Variants in KANK1 observed in about 807,000 individuals in gnomAD.
KANK1 encodes the protein KN motif and ankyrin repeat domain-containing protein 1.
A neutral mutation model predicts 106.2 loss-of-function variants in KANK1; 109 were observed. The observed-to-expected ratio is 1.03, with a 90% CI of 0.88 to 1.20. KANK1 has a LOEUF of 1.20. KANK1 is among the 50% of genes most tolerant of loss of function. The probability of loss-of-function intolerance (pLI) is 0.00; values close to 1 mark genes in which losing one functional copy is unlikely to be tolerated. For synonymous variants in KANK1, 873 were observed against 652.2 expected, an observed-to-expected ratio of 1.34 and a Z score of -5.16; for missense variants, 2,399 against 1,710.7, an observed-to-expected ratio of 1.40 and a Z score of -7.10.
intron 1 of KANK1, among the ~76,000 whole-genome samples, chr9:629,791 G>T (rs12353073): frequency 0.096 from 14,553 of 152,186 alleles, 1,847 homozygotes; most frequent in African/African-American, 0.28. Context: ...AGAATTAGAC[G>T]AATGGGCACC....
At position 644,693 on chromosome 9, in the gene KANK1, C is replaced by T. The variant is rs935276950; in HGVS notation, c.-83-32197C>T. Among the ~76,000 whole-genome samples the T allele has an allele frequency of 2.1e-4, 32 of 151,052 alleles. 2 individuals carry two copies. The highest frequency in any genetic ancestry group is 7.2e-4 in the African/African-American group (29 of 40,354). Reference sequence around the variant, plus strand: ...CATGATCCAATCACCTCCCACTAGGCCCCACCTTCAACACTCGGGATTACT... The same window carrying T: ...CATGATCCAATCACCTCCCACTAGGTCCCACCTTCAACACTCGGGATTACT... On this transcript the variant is annotated intron_variant, in intron 1 of 11. Coordinates refer to ENST00000382297, the MANE Select transcript of KANK1 (RefSeq NM_015158.5).
intron 3 of KANK1, among the ~76,000 whole-genome samples, chr9:498,729 C>A (rs796699141): frequency 9.2e-5 from 14 of 152,286 alleles, no homozygotes; most frequent in African/African-American, 1.7e-4. Context: ...CAGTGAGATA[C>A]TACTTCATAG....
In KANK1 at chr9:742,282, T is replaced by C; in HGVS notation, c.3774T>C (p.Ala1258=). 6.2e-7 allele frequency: 1 copy of C among 1,614,218 alleles called. No individual in the cohort carries two copies. Among genetic ancestry groups the C allele is most frequent in the East Asian group, 2.2e-5 (1 of 44,884 alleles). The change falls in exon 10 of 12, where the codon GCT becomes GCC. Residue 1258 remains alanine (A), a synonymous_variant. Coordinates refer to ENST00000382297, the MANE Select transcript of KANK1 (RefSeq NM_015158.5). ...DMVKGLLACG[A]DVNIQDDEGS... ...TGAAGGGCCTTCTGGCCTGTGGGGC[T>C]GATGTCAACATCCAGGATGACGAGG... is the stretch of plus-strand genomic sequence containing the variant.
At chr9:616,486 T>C (rs1208045690) in intron 1 of KANK1, among the ~76,000 whole-genome samples, 1 of 152,190 alleles carries the variant, frequency 6.6e-6, no homozygotes, top group African/African-American at 2.4e-5. Context: ...GCTGCTGTCT[T>C]TACACATATA....
At chr9:633,175 T>A (rs1473192231) in intron 1 of KANK1, among the ~76,000 whole-genome samples, 1 of 151,784 alleles carries the variant, frequency 6.6e-6, no homozygotes, top group African/African-American at 2.4e-5. Flanking sequence ...ACCCAACCCT[T>A]GACCGGGCGC....
chr9:712,469 G>T lies in KANK1; in HGVS notation c.1703G>T (p.Trp568Leu). The change falls in exon 3 of 12, where the codon TGG (tryptophan) becomes TTG (leucine). Residue 568 changes from tryptophan (W) to leucine (L), a missense_variant. Coordinates refer to ENST00000382297, the MANE Select transcript of KANK1 (RefSeq NM_015158.5). ...GTAGGGCCTGAGCTGCCTATGAATT[G>T]GTGGATTGTTAAGGAGAGGGTGGAA... Reference protein sequence around the residue: ...KVVGPELPMNWWIVKERVEMH... With the variant: ...KVVGPELPMNLWIVKERVEMH... 1 of 1,614,164 alleles carries T rather than the reference G, an allele frequency of 6.2e-7. No homozygotes were observed. The highest frequency in any genetic ancestry group is 8.5e-7 in the Non-Finnish European group (1 of 1,180,038).
At chr9:534,678 T>G (rs75177426) in intron 1 of KANK1, among the ~76,000 whole-genome samples, 6 of 152,216 alleles carry the variant, frequency 3.9e-5, no homozygotes, top group South Asian at 2.1e-4. Flanking sequence ...TTACTGTGAT[T>G]TATAGTCAAG....
intron 1 of KANK1, among the ~76,000 whole-genome samples, chr9:519,416 C>G (rs1355127145): frequency 1.3e-5 from 2 of 151,536 alleles, no homozygotes; most frequent in African/African-American, 4.9e-5. Flanking sequence ...ATAGGAGTAG[C>G]TATGAGAGGA....
intron 1 of KANK1, among the ~76,000 whole-genome samples, chr9:640,699 A>ATT (rs770881603): frequency 1.1e-3 from 140 of 129,784 alleles, no homozygotes; most frequent in African/African-American, 3.2e-3. Context: ...GCCCGGCCTA[A>ATT]TTTTTTTTTT....
At chr9:501,613 T>TAC (rs60211646), upstream of KANK1, among the ~76,000 whole-genome samples, 28,866 of 148,358 alleles carry the variant, frequency 0.19, 3,213 homozygotes, top group East Asian at 0.51. Flanking sequence ...CGCACAGACA[T>TAC]ACACACACAC....
chr9:736,671 G>C (rs1833879390), intron 7 of KANK1, among the ~76,000 whole-genome samples: 1 of 151,256 alleles, frequency 6.6e-6, no homozygotes, highest in Admixed American at 6.6e-5. Context: ...CTGCACTCCA[G>C]CCTGGGAGAC....
intron 1 of KANK1, among the ~76,000 whole-genome samples, chr9:626,811 A>C (rs1449390900): frequency 6.6e-6 from 1 of 152,248 alleles, no homozygotes; most frequent in Non-Finnish European, 1.5e-5. Context: ...CTAGGATACA[A>C]GCTGTAATGA....
chr9:695,749 A>T (rs1821106973), intron 2 of KANK1, among the ~76,000 whole-genome samples: 1 of 152,154 alleles, frequency 6.6e-6, no homozygotes, highest in Admixed American at 6.5e-5. Context: ...CTAAGTGACA[A>T]CACACTGATG....
At position 587,489 on chromosome 9, in the gene KANK1, G is replaced by T. The variant is rs551216623; in HGVS notation, c.-84+82735G>T. Among the ~76,000 whole-genome samples the T allele has an allele frequency of 3.9e-5, 6 of 152,180 alleles. No homozygotes were observed. In the East Asian group the frequency reaches 5.8e-4, roughly 15 times the overall value. On this transcript the variant is annotated intron_variant, in intron 1 of 11. Transcript: ENST00000382297. ...AAAAAATGGAGATACTCAATTTATT[G>T]CAGGCTTTATTCAATAAACCTAGAA... is the stretch of plus-strand genomic sequence containing the variant.
intron 1 of KANK1, among the ~76,000 whole-genome samples, chr9:561,629 G>C (rs1188167423): frequency 6.6e-6 from 1 of 152,206 alleles, no homozygotes; most frequent in Non-Finnish European, 1.5e-5. Flanking sequence ...ACCAGTAATA[G>C]GAACCGCATG....
intron 1 of KANK1, among the ~76,000 whole-genome samples, chr9:670,674 G>C (rs751864774): frequency 2.6e-5 from 4 of 152,128 alleles, no homozygotes; most frequent in Non-Finnish European, 4.4e-5. Flanking sequence ...AGCTTCCAGG[G>C]CTGGAGATGG....
chr9:667,605 A>G (rs1588724015), intron 1 of KANK1, among the ~76,000 whole-genome samples: 1 of 151,684 alleles, frequency 6.6e-6, no homozygotes, highest in African/African-American at 2.4e-5. Flanking sequence ...TATCCCATAG[A>G]TTTGGATATG....
At chr9:503,346 G>A (rs1381285224), upstream of KANK1, among the ~76,000 whole-genome samples, 2 of 152,112 alleles carry the variant, frequency 1.3e-5, no homozygotes, top group Non-Finnish European at 2.9e-5. Context: ...TTTGCTTACT[G>A]CCACCCAGTG....
At chr9:738,654 G>C (rs1834472273) in intron 8 of KANK1, 150 bp downstream of exon 8, 2 of 661,050 alleles carry the variant, frequency 3.0e-6, no homozygotes, top group East Asian at 2.7e-5. Context: ...GAATTTTCTT[G>C]AGTCATTCAT....
Sources: allele counts gnomAD v4.1 joint callset (sites outside exome capture counted in the v4.1 genomes callset), GRCh38; gene constraint gnomAD v4.1.1; transcripts MANE v1.5; gene names NCBI Gene and HGNC (gene_info 2026-07-23, HGNC 2026-07-21).